PLEKHH1: variants seen among roughly 807,000 people sequenced by gnomAD.
PLEKHH1 encodes pleckstrin homology, MyTH4 and FERM domain containing H1.
In PLEKHH1, 104 loss-of-function variants were observed where a neutral mutation model predicts 160.0. The observed-to-expected ratio is 0.65, with a 90% CI of 0.55 to 0.76. PLEKHH1 has a LOEUF of 0.76. Ranked by LOEUF, PLEKHH1 falls within the 30% of genes least tolerant of loss-of-function variation. PLEKHH1 has a pLI of 0.00. For missense variants in PLEKHH1, 1,427 were observed against 1,724.1 expected, an observed-to-expected ratio of 0.83 and a Z score of 3.05; for synonymous variants, 619 against 678.4, an observed-to-expected ratio of 0.91 and a Z score of 1.36.
At chr14:67,549,417 C>A (rs1222228106) in intron 2 of PLEKHH1, among the ~76,000 whole-genome samples, 1 of 151,946 alleles carries the variant, frequency 6.6e-6, no homozygotes, top group Admixed American at 6.6e-5. Flanking sequence ...ATTACAGGCA[C>A]ATGCCACCAC....
chr14:67,573,306 A>C lies in PLEKHH1; in HGVS notation c.1759A>C (p.Lys587Gln). The change falls in exon 12 of 29, where the codon AAA becomes CAA. Residue 587 changes from lysine to glutamine, a missense_variant. This residue lies in a region of PLEKHH1 where 831 missense variants were observed against 929.2 expected (regional missense o/e 0.89). Coordinates refer to ENST00000329153, the MANE Select transcript of PLEKHH1 (RefSeq NM_020715.3). The surrounding 1 kb of genome is among the most constrained non-coding windows in gnomAD (Gnocchi z 4.8). ...ESLEKSGYLL[K>Q]MGSQVKTWKR... ...ACTGGAGAAGTCGGGCTACCTGCTG[A>C]AAATGGGGAGCCAGGTGAAGACGTG... 1 of 1,613,476 alleles carries C rather than the reference A, an allele frequency of 6.2e-7. No individual in the cohort carries two copies. Among genetic ancestry groups the C allele is most frequent in the Admixed American group, 1.7e-5 (1 of 60,026 alleles).
At chr14:67,534,681 C>T (rs1456828549) in intron 1 of PLEKHH1, among the ~76,000 whole-genome samples, 1 of 151,964 alleles carries the variant, frequency 6.6e-6, no homozygotes, top group Non-Finnish European at 1.5e-5. Context: ...AGCCTGTGGC[C>T]CCAAACTCAT....
chr14:67,542,192 C>T (rs978793681), intron 2 of PLEKHH1, among the ~76,000 whole-genome samples, 199 bp downstream of exon 2: 3 of 152,230 alleles, frequency 2.0e-5, no homozygotes, highest in African/African-American at 4.8e-5. Context: ...TCTTTGCTCG[C>T]TCATTAAGGC....
Position 67,586,217 on chromosome 14 carries a change from G to T in PLEKHH1, c.3933+120G>T. The T allele has an allele frequency of 3.2e-6, 4 of 1,257,316 alleles. No individual in the cohort carries two copies. In the South Asian group the frequency reaches 4.9e-5, roughly 15 times the overall value. 77.9% of individuals were successfully genotyped at this position (1,257,316 alleles called of 1,614,324 possible). On this transcript the variant is annotated intron_variant, in intron 28 of 28. Coordinates refer to ENST00000329153, the MANE Select transcript of PLEKHH1 (RefSeq NM_020715.3). ...GGGCCCTGCCCAGATAAAATTGTTG[G>T]TCTTGTCTGTAATTAGTATTCCAAA...
At chr14:67,544,657 A>G (rs569296852) in intron 2 of PLEKHH1, among the ~76,000 whole-genome samples, 1 of 152,376 alleles carries the variant, frequency 6.6e-6, no homozygotes, top group East Asian at 1.9e-4. Flanking sequence ...AGAACAAGAC[A>G]CTACCTAAAA....
Position 67,541,923 on chromosome 14 carries a change from T to C in PLEKHH1, c.56T>C (p.Leu19Pro), listed in dbSNP as rs761627260. 3.1e-6 allele frequency: 5 copies of C among 1,606,282 alleles called. No homozygotes were observed. The highest frequency in any genetic ancestry group is 4.2e-6 in the Non-Finnish European group (5 of 1,176,562). Residue 19 changes from leucine (L) to proline (P), a missense_variant, in exon 2 of 29, where the codon CTG (leucine) becomes CCG (proline). Leu to Pro is a moderately conservative substitution (Grantham distance 98, BLOSUM62 -3). Around this residue, in one of 6 missense-constraint regions of PLEKHH1, gnomAD observed 831 missense variants for 929.2 expected, o/e 0.89. Transcript: ENST00000329153. ...PASVDWQKRC[L>P]TLETQLFRFR... Reference sequence around the variant, plus strand: ...AGCGTAGACTGGCAGAAACGCTGCCTGACCCTGGAAACTCAGCTTTTCCGG... The same window carrying C: ...AGCGTAGACTGGCAGAAACGCTGCCCGACCCTGGAAACTCAGCTTTTCCGG...
In PLEKHH1 at chr14:67,582,584, C is replaced by T. The variant is rs973401088; in HGVS notation, c.3426+374C>T. ...CTGTAATGTCAGCACTTTGCGAGGC[C>T]GAGGCGGGCAGATCACCTGAGGCCA... On this transcript the variant is annotated intron_variant, in intron 24 of 28. Transcript: ENST00000329153. The surrounding 1 kb of genome is among the most constrained non-coding windows in gnomAD (Gnocchi z 5.0). 1.3e-5 allele frequency among the ~76,000 whole-genome samples: 2 copies of T among 151,968 alleles called. No individual in the cohort carries two copies. The highest frequency in any genetic ancestry group is 3.2e-3 in the Middle Eastern group (1 of 316).
chr14:67,587,149 C>A lies in PLEKHH1; in HGVS notation c.4009C>A (p.Pro1337Thr), dbSNP rs2036210032. The change falls in exon 29 of 29, where the codon CCC becomes ACC. Residue 1337 changes from proline (P) to threonine (T), a missense_variant. Coordinates refer to ENST00000329153, the MANE Select transcript of PLEKHH1 (RefSeq NM_020715.3). Reference protein sequence around the residue: ...TTTVNPPTNPPGACQLWELDG... With the variant: ...TTTVNPPTNPTGACQLWELDG... ...AACTGTGAACCCCCCCACCAACCCACCCGGAGCCTGCCAGCTGTGGGAACT... is the reference window on the plus strand; with the variant it reads ...AACTGTGAACCCCCCCACCAACCCAACCGGAGCCTGCCAGCTGTGGGAACT... 1.9e-6 allele frequency: 3 copies of A among 1,613,910 alleles called. No homozygotes were observed. The African/African-American group carries it at 4.0e-5, about 22-fold the overall frequency.
chr14:67,578,690 A>G lies in PLEKHH1; in HGVS notation c.2849+59A>G. The G allele has an allele frequency of 9.5e-7, 1 of 1,054,462 alleles. No homozygotes were observed. The highest frequency in any genetic ancestry group is 1.4e-6 in the Non-Finnish European group (1 of 692,598). The allele number at this position is 1,054,462 out of a possible 1,614,324, so 65.3% of individuals were successfully genotyped here. ...AGCACTGCCAACTGCCGCATGAATA[A>G]GAGGGATGAGAGGAGTCTAGGGCAG... On this transcript the variant is annotated intron_variant, in intron 20 of 28. Transcript: ENST00000329153. This position sits in a 1 kb window ranked among gnomAD's most constrained non-coding sequence, Gnocchi z 5.0.
chr14:67,580,884 T>C lies in PLEKHH1; in HGVS notation c.3184-54T>C, dbSNP rs369580359. On this transcript the variant is annotated intron_variant, in intron 22 of 28. Coordinates refer to ENST00000329153, the MANE Select transcript of PLEKHH1 (RefSeq NM_020715.3). ...GAGTCCAGCCCTGGCTGGACCTTGA[T>C]CCCTTCTCTCCTTATCAGGAAATTT... 11 of 1,161,952 alleles carry C rather than the reference T, an allele frequency of 9.5e-6. No individual in the cohort carries two copies. The African/African-American group carries it at 1.5e-4, about 16-fold the overall frequency. The allele number at this position is 1,161,952 out of a possible 1,614,324, so 72.0% of individuals were successfully genotyped here.
intron 22 of PLEKHH1, among the ~76,000 whole-genome samples, chr14:67,580,607 AGAG>A (rs923031397): frequency 6.6e-5 from 10 of 152,324 alleles, no homozygotes; most frequent in Admixed American, 5.9e-4. Flanking sequence ...TATTTGTTGA[AGAG>A]GAGAATAGCA....
rs1330347505 is a variant in PLEKHH1, at chr14:67,539,123, G to C, written c.-34-2711G>C. Among the ~76,000 whole-genome samples, 3 of 152,166 alleles carry C rather than the reference G, an allele frequency of 2.0e-5. No individual in the cohort carries two copies. The East Asian group carries it at 5.8e-4, about 29-fold the overall frequency. On this transcript the variant is annotated intron_variant, in intron 1 of 28. Coordinates refer to ENST00000329153, the MANE Select transcript of PLEKHH1 (RefSeq NM_020715.3). ...GCGAGACTCCCAGGTCCTAGTCTCAGATCTGCCACTTTTCCTATTTATACA... is the reference window on the plus strand; with the variant it reads ...GCGAGACTCCCAGGTCCTAGTCTCACATCTGCCACTTTTCCTATTTATACA...
chr14:67,567,044 G>C (rs2035133236), intron 7 of PLEKHH1, among the ~76,000 whole-genome samples: 1 of 152,170 alleles, frequency 6.6e-6, no homozygotes, highest in Non-Finnish European at 1.5e-5. Context: ...AATGTAAGGA[G>C]ATCTCATCCT....
Position 67,537,537 on chromosome 14 carries a change from C to T in PLEKHH1, c.-35+4139C>T, listed in dbSNP as rs140724089. Among the ~76,000 whole-genome samples the T allele has an allele frequency of 1.2e-3, 175 of 148,566 alleles. 4 individuals carry two copies. Among genetic ancestry groups the T allele is most frequent in the Middle Eastern group, 0.01 (3 of 294 alleles). Reference sequence around the variant, plus strand: ...AAAATTAGCCAAGCACAGTGGTGCACGCCTGTAGTCCCAGCTGCTTGGGAG... The same window carrying T: ...AAAATTAGCCAAGCACAGTGGTGCATGCCTGTAGTCCCAGCTGCTTGGGAG... On this transcript the variant is annotated intron_variant, in intron 1 of 28. Transcript: ENST00000329153.
intron 1 of PLEKHH1, among the ~76,000 whole-genome samples, chr14:67,534,520 T>C (rs1261913492): frequency 6.6e-6 from 1 of 152,124 alleles, no homozygotes; most frequent in Non-Finnish European, 1.5e-5. Context: ...AAAATTGTTG[T>C]GATATGCCCA....
In PLEKHH1 at chr14:67,573,990, G is replaced by T; in HGVS notation, c.1926+103G>T. 3 of 853,304 alleles carry T rather than the reference G, an allele frequency of 3.5e-6. No homozygotes were observed. The highest frequency in any genetic ancestry group is 5.9e-6 in the Non-Finnish European group (3 of 507,422). The allele number at this position is 853,304 out of a possible 1,614,324, so 52.9% of individuals were successfully genotyped here. A position where few individuals can be genotyped will look rare whatever the true frequency, so the allele number is the denominator to read the frequency against. On this transcript the variant is annotated intron_variant, in intron 13 of 28. Coordinates refer to ENST00000329153, the MANE Select transcript of PLEKHH1 (RefSeq NM_020715.3). This position sits in a 1 kb window ranked among gnomAD's most constrained non-coding sequence, Gnocchi z 4.8. ...TGGGGCCAAATGAGCATGAATGAAA[G>T]ACTTCAGATCAACATTTGGACGTGA...
At chr14:67,572,022 C>A in intron 10 of PLEKHH1, 113 bp from the exon 11 acceptor site, 2 of 1,473,788 alleles carry the variant, frequency 1.4e-6, no homozygotes, top group Non-Finnish European at 1.8e-6. Context: ...AGCAGCTCCA[C>A]CCCCAGCCCC....
In PLEKHH1 at chr14:67,575,381, C is replaced by G; in HGVS notation, c.2089-11C>G. On this transcript the variant is annotated splice_polypyrimidine_tract_variant and intron_variant, in intron 14 of 28. Coordinates refer to ENST00000329153, the MANE Select transcript of PLEKHH1 (RefSeq NM_020715.3). ...TAGTTCTCATAATGCCAGTTCATTT[C>G]TGTCTTACAGGTAAAGCATGGCCAC... is the stretch of plus-strand genomic sequence containing the variant. 1 of 1,569,430 alleles carries G rather than the reference C, an allele frequency of 6.4e-7. No homozygotes were observed. Among genetic ancestry groups the G allele is most frequent in the Non-Finnish European group, 8.7e-7 (1 of 1,145,424 alleles).
intron 2 of PLEKHH1, 138 bp from the exon 3 acceptor site, chr14:67,555,687 C>T: frequency 8.0e-7 from 1 of 1,244,970 alleles, no homozygotes; most frequent in Non-Finnish European, 1.1e-6. Context: ...CTTACCCTGA[C>T]ACTCTCGAGC....
Sources: allele counts gnomAD v4.1 joint callset (sites outside exome capture counted in the v4.1 genomes callset), GRCh38; gene constraint gnomAD v4.1.1; regional missense constraint gnomAD v4.1.1; non-coding constraint Gnocchi (gnomAD v3.1); transcripts MANE v1.5; gene names NCBI Gene and HGNC (gene_info 2026-07-23, HGNC 2026-07-21).